The following RTN4RL1 variants were observed in gnomAD, a reference collection of about 807,000 sequenced individuals.
The protein encoded by RTN4RL1 is reticulon-4 receptor-like 1.
RTN4RL1 carries 7 observed loss-of-function variants against 25.6 expected under a neutral mutation model. The observed-to-expected ratio is 0.27, with a 90% CI of 0.16 to 0.51. The LOEUF (loss-of-function observed/expected upper bound fraction) is 0.51. RTN4RL1 is among the 20% of genes least tolerant of loss of function. RTN4RL1 has a pLI of 0.97. For missense variants in RTN4RL1, 500 were observed against 615.6 expected, an observed-to-expected ratio of 0.81 and a Z score of 1.99; for synonymous variants, 297 against 288.2, an observed-to-expected ratio of 1.03 and a Z score of -0.31.
At chr17:1,982,706 C>T (rs1311535575) in intron 1 of RTN4RL1, among the ~76,000 whole-genome samples, 4 of 152,236 alleles carry the variant, frequency 2.6e-5, no homozygotes, top group African/African-American at 4.8e-5. Context: ...TGCAGGAAGC[C>T]CTCCCCTCCT....
intron 1 of RTN4RL1, among the ~76,000 whole-genome samples, chr17:1,996,640 A>G (rs1040513312): frequency 6.6e-6 from 1 of 152,230 alleles, no homozygotes; most frequent in Admixed American, 6.5e-5. Flanking sequence ...GTTTTCTCCA[A>G]TGAAATGGTT....
At chr17:1,975,881 G>A (rs1886268361) in intron 1 of RTN4RL1, among the ~76,000 whole-genome samples, 1 of 152,072 alleles carries the variant, frequency 6.6e-6, no homozygotes, top group South Asian at 2.1e-4. Context: ...ACTACAGAGA[G>A]AGCACAATCT....
chr17:1,941,058 A>C (rs1915428759), intron 1 of RTN4RL1, among the ~76,000 whole-genome samples: 1 of 152,042 alleles, frequency 6.6e-6, no homozygotes, highest in Non-Finnish European at 1.5e-5. Flanking sequence ...GAGTTTACAA[A>C]GTGCTTCTGC....
At chr17:1,995,939 C>G (rs979264785) in intron 1 of RTN4RL1, among the ~76,000 whole-genome samples, 1 of 152,194 alleles carries the variant, frequency 6.6e-6, no homozygotes, top group Non-Finnish European at 1.5e-5. Flanking sequence ...TCAACAGGCC[C>G]GCTTAGAGGC....
At chr17:1,948,550 C>T (rs1016986847) in intron 1 of RTN4RL1, among the ~76,000 whole-genome samples, 3 of 152,144 alleles carry the variant, frequency 2.0e-5, no homozygotes, top group Non-Finnish European at 4.4e-5. Flanking sequence ...GACAGGCAGA[C>T]AGGCAGACAG....
chr17:2,008,384 G>A (rs1288953946), intron 1 of RTN4RL1, among the ~76,000 whole-genome samples: 2 of 152,140 alleles, frequency 1.3e-5, no homozygotes, highest in Non-Finnish European at 2.9e-5. Context: ...AAAGGTGTTT[G>A]AGAAATACTG....
At chr17:1,985,112 A>G (rs2066882516) in intron 1 of RTN4RL1, among the ~76,000 whole-genome samples, 1 of 152,220 alleles carries the variant, frequency 6.6e-6, no homozygotes, top group Admixed American at 6.5e-5. Context: ...TTCCTTTTTA[A>G]CTGATCATGA....
intron 1 of RTN4RL1, among the ~76,000 whole-genome samples, chr17:2,020,964 G>A (rs979569568): frequency 2.0e-5 from 3 of 152,160 alleles, no homozygotes; most frequent in East Asian, 1.9e-4. Context: ...TTGGGGCCTC[G>A]CTTGCCCTGC....
intron 1 of RTN4RL1, among the ~76,000 whole-genome samples, chr17:1,942,853 C>G (rs1024840291): frequency 4.6e-5 from 7 of 152,204 alleles, no homozygotes; most frequent in African/African-American, 1.7e-4. Flanking sequence ...ATGGCCACAG[C>G]CCGTGCGAAG....
At chr17:2,024,764 C>T (rs1424759306) in intron 1 of RTN4RL1, 89 bp downstream of exon 1, 3 of 1,379,792 alleles carry the variant, frequency 2.2e-6, no homozygotes, top group African/African-American at 3.0e-5. Context: ...ACTTCCCAGA[C>T]CGGGAGCCCC....
Position 2,024,952 on chromosome 17 carries a change from C to G in RTN4RL1, c.-87G>C. ...TCAAATCCCTGGGCGCCAGCTGCAG[C>G]TAATCCGAGCGCGTCGAGGCGGGGG... On this transcript the variant is annotated 5_prime_UTR_variant, in exon 1 of 2. Coordinates refer to ENST00000331238, the MANE Select transcript of RTN4RL1 (RefSeq NM_178568.4). 4 of 1,410,208 alleles carry G rather than the reference C, an allele frequency of 2.8e-6. No homozygotes were observed. The highest frequency in any genetic ancestry group is 3.9e-6 in the Non-Finnish European group (4 of 1,035,152). 87.4% of individuals were successfully genotyped at this position (1,410,208 alleles called of 1,614,324 possible).
chr17:1,999,865 C>A (rs2066948942), intron 1 of RTN4RL1, among the ~76,000 whole-genome samples: 1 of 152,264 alleles, frequency 6.6e-6, no homozygotes, highest in Non-Finnish European at 1.5e-5. Flanking sequence ...CACGGCCTTG[C>A]CTCTTCTCGC....
rs2066920523 is a variant in RTN4RL1, at chr17:1,994,175, T to C, written c.13+30678A>G. On this transcript the variant is annotated intron_variant, in intron 1 of 1. Coordinates refer to ENST00000331238, the MANE Select transcript of RTN4RL1 (RefSeq NM_178568.4). The surrounding 1 kb of genome is among the most constrained non-coding windows in gnomAD (Gnocchi z 4.3). ...CTCATTTTGCTGCCTCTGAGAAGAG[T>C]GTGCCCAGGTGGAATTCACAGGCGC... Among the ~76,000 whole-genome samples the C allele has an allele frequency of 1.3e-5, 2 of 151,662 alleles. No individual in the cohort carries two copies. Among genetic ancestry groups the C allele is most frequent in the South Asian group, 4.2e-4 (2 of 4,806 alleles).
intron 1 of RTN4RL1, among the ~76,000 whole-genome samples, chr17:1,957,421 C>T (rs1915814454): frequency 6.6e-6 from 1 of 152,180 alleles, no homozygotes; most frequent in African/African-American, 2.4e-5. Flanking sequence ...GTGCTGGACC[C>T]CTTCTGTGTG....
chr17:2,020,352 T>C (rs1034823221), intron 1 of RTN4RL1: 42 of 152,190 alleles, frequency 2.8e-4, no homozygotes, highest in African/African-American at 9.9e-4. Context: ...TACATTACTA[T>C]AGCTCCAAGT....
chr17:1,985,637 A>G (rs1387155057), intron 1 of RTN4RL1, among the ~76,000 whole-genome samples: 1 of 152,216 alleles, frequency 6.6e-6, no homozygotes, highest in Non-Finnish European at 1.5e-5. Context: ...ATTTACAAGT[A>G]GTTCCATCTG....
Position 1,935,711 on chromosome 17 carries a change from GTATATATATATATA to G in RTN4RL1, c.*771_*784del, listed in dbSNP as rs58785478. Reference sequence around the variant, plus strand: ...AGTGGGAGGGGGACTGTGCATTTGTGTATATATATATATATATATATATATATATATATATATAT... The same window carrying G: ...AGTGGGAGGGGGACTGTGCATTTGTGTATATATATATATATATATATATAT... On this transcript the variant is annotated 3_prime_UTR_variant, in exon 2 of 2. Transcript: ENST00000331238. 3.2e-3 allele frequency: 518 copies of G among 159,872 alleles called. 32 individuals are homozygous for G. The highest frequency in any genetic ancestry group is 0.012 in the Middle Eastern group (3 of 244). The allele number at this position is 159,872 out of a possible 1,614,324, so 9.9% of individuals were successfully genotyped here.
intron 1 of RTN4RL1, among the ~76,000 whole-genome samples, chr17:1,970,644 T>A (rs1307585746): frequency 6.6e-6 from 1 of 152,280 alleles, no homozygotes; most frequent in East Asian, 1.9e-4. Context: ...CCTCGGCATC[T>A]AGCAGGGTGC....
intron 1 of RTN4RL1, among the ~76,000 whole-genome samples, chr17:1,964,729 C>A (rs560780891): frequency 1.3e-3 from 191 of 150,798 alleles, no homozygotes; most frequent in Non-Finnish European, 2.2e-3. Flanking sequence ...AAGAACCTGT[C>A]TCTAAAAAAA....
Sources: gnomAD v4.1 joint callset for allele counts (sites outside exome capture counted in the v4.1 genomes callset) on GRCh38, gnomAD v4.1.1 for gene constraint, Gnocchi (gnomAD v3.1) non-coding constraint, MANE v1.5 for transcripts, NCBI Gene and HGNC (gene_info 2026-07-23, HGNC 2026-07-21) for gene names.